Variants in NTNG2 observed in about 807,000 individuals in gnomAD.
The protein encoded by NTNG2 is netrin-G2.
A neutral mutation model predicts 47.6 loss-of-function variants in NTNG2; 15 were observed. The observed-to-expected ratio is 0.32, with a 90% CI of 0.21 to 0.49. The LOEUF (loss-of-function observed/expected upper bound fraction) is 0.49. NTNG2 is among the 20% of genes least tolerant of loss of function. The pLI is 0.99. For synonymous variants in NTNG2, 307 were observed against 324.6 expected, an observed-to-expected ratio of 0.95 and a Z score of 0.58; for missense variants, 578 against 764.6, an observed-to-expected ratio of 0.76 and a Z score of 2.88.
chr9:132,226,933 C>A lies in NTNG2; in HGVS notation c.942C>A (p.Pro314=), dbSNP rs145479097. 4.3e-6 allele frequency: 7 copies of A among 1,612,848 alleles called. No homozygotes were observed. The African/African-American group carries it at 8.0e-5, about 18-fold the overall frequency. The change falls in exon 4 of 8, where the codon CCC becomes CCA. Residue 314 remains proline, a synonymous_variant. Coordinates refer to ENST00000393229, the MANE Select transcript of NTNG2 (RefSeq NM_032536.4). The surrounding 1 kb of genome is among the most constrained non-coding windows in gnomAD (Gnocchi z 4.8). ...AGTGCGAGCACAACACCACCGGCCC[C>A]GACTGCGGCAAGTGCAAGAAGAATT... The part of the protein sequence containing the change: ...QCECEHNTTG[P]DCGKCKKNFR...
chr9:132,204,095 G>A (rs1380204621), intron 3 of NTNG2, among the ~76,000 whole-genome samples: 6 of 152,306 alleles, frequency 3.9e-5, no homozygotes, highest in East Asian at 1.9e-4. Context: ...CATGGGTTAC[G>A]TGCCAGGCAT....
At chr9:132,205,549 A>C (rs901803430) in intron 3 of NTNG2, among the ~76,000 whole-genome samples, 1 of 152,206 alleles carries the variant, frequency 6.6e-6, no homozygotes, top group Non-Finnish European at 1.5e-5. Flanking sequence ...CTTGCACAGC[A>C]CTGTGGATGT....
intron 4 of NTNG2, 95 bp from the exon 5 acceptor site, chr9:132,230,477 A>G: frequency 8.6e-7 from 1 of 1,159,830 alleles, no homozygotes; most frequent in African/African-American, 1.5e-5. Context: ...CGACACCTCC[A>G]GGTGCTCCCC....
chr9:132,203,489 A>C (rs1838939590), intron 3 of NTNG2, among the ~76,000 whole-genome samples: 1 of 152,200 alleles, frequency 6.6e-6, no homozygotes, highest in Non-Finnish European at 1.5e-5. Context: ...AAGACAGTGG[A>C]CCAAACATTC....
intron 4 of NTNG2, among the ~76,000 whole-genome samples, chr9:132,227,610 G>A (rs1840875209): frequency 6.6e-6 from 1 of 152,198 alleles, no homozygotes; most frequent in Non-Finnish European, 1.5e-5. Flanking sequence ...CCTGGGAACT[G>A]AGCTTCCGTT....
At chr9:132,183,760 C>A (rs550781010) in intron 2 of NTNG2, among the ~76,000 whole-genome samples, 1 of 152,286 alleles carries the variant, frequency 6.6e-6, no homozygotes, top group Non-Finnish European at 1.5e-5. Context: ...CGTGTGGGGG[C>A]CCTTCCCTGG....
rs1187648193 is a variant in NTNG2, at chr9:132,180,711, C to T, written c.213+13667C>T. On this transcript the variant is annotated intron_variant, in intron 2 of 7. Transcript: ENST00000393229. This position sits in a 1 kb window ranked among gnomAD's most constrained non-coding sequence, Gnocchi z 4.2. ...CGGAGAGAGAGAGAAAGAGAAAGAACGATAGAGAGATGCAATAACCTCCCA... is the reference window on the plus strand; with the variant it reads ...CGGAGAGAGAGAGAAAGAGAAAGAATGATAGAGAGATGCAATAACCTCCCA... Among the ~76,000 whole-genome samples, 2 of 152,148 alleles carry T rather than the reference C, an allele frequency of 1.3e-5. No individual in the cohort carries two copies. The highest frequency in any genetic ancestry group is 4.8e-5 in the African/African-American group (2 of 41,424).
chr9:132,240,680 G>A (rs1424759684), intron 6 of NTNG2: 3 of 616,354 alleles, frequency 4.9e-6, no homozygotes, highest in Admixed American at 2.9e-5. Flanking sequence ...GGGGAAGGTG[G>A]GGCTGGGACG....
At chr9:132,193,948 A>G (rs1339019306) in intron 2 of NTNG2, among the ~76,000 whole-genome samples, 2 of 152,128 alleles carry the variant, frequency 1.3e-5, no homozygotes, top group Non-Finnish European at 2.9e-5. Context: ...CATGGGCCCC[A>G]GCGTCTCATC....
At chr9:132,205,781 C>A (rs556005441) in intron 3 of NTNG2, among the ~76,000 whole-genome samples, 1 of 151,872 alleles carries the variant, frequency 6.6e-6, no homozygotes, top group African/African-American at 2.4e-5. Flanking sequence ...CTTGGGAAGC[C>A]GAGACAGGAG....
At chr9:132,223,580 C>T (rs777683160) in intron 3 of NTNG2, among the ~76,000 whole-genome samples, 18 of 151,960 alleles carry the variant, frequency 1.2e-4, no homozygotes, top group South Asian at 4.2e-4. Flanking sequence ...TCTGAATGGA[C>T]GAGAGCCAGT....
chr9:132,192,792 G>A (rs1225329631), intron 2 of NTNG2, among the ~76,000 whole-genome samples: 1 of 152,162 alleles, frequency 6.6e-6, no homozygotes, highest in Admixed American at 6.5e-5. Context: ...AGAGAAAGAG[G>A]GAGAGAGAAA....
At chr9:132,170,079 C>G (rs866066895) in intron 2 of NTNG2, among the ~76,000 whole-genome samples, 63 of 152,314 alleles carry the variant, frequency 4.1e-4, no homozygotes, top group Middle Eastern at 6.8e-3. Flanking sequence ...GCAGGTGCTA[C>G]GTGTGTCCCA....
At chr9:132,234,592 G>A (rs995812674) in intron 5 of NTNG2, among the ~76,000 whole-genome samples, 1 of 152,226 alleles carries the variant, frequency 6.6e-6, no homozygotes, top group Non-Finnish European at 1.5e-5. Flanking sequence ...TGAACTCCTG[G>A]GCCAGATGTT....
intron 3 of NTNG2, among the ~76,000 whole-genome samples, chr9:132,211,702 G>A (rs549390594): frequency 4.2e-4 from 64 of 152,270 alleles, no homozygotes; most frequent in African/African-American, 1.5e-3. Context: ...GAAGGCTGGA[G>A]ACCTGTGCAA....
At chr9:132,237,603 T>C (rs1841722540) in intron 5 of NTNG2, among the ~76,000 whole-genome samples, 1 of 152,106 alleles carries the variant, frequency 6.6e-6, no homozygotes, top group Non-Finnish European at 1.5e-5. Context: ...CGGTGCAGGA[T>C]AGAGGACCGA....
At chr9:132,216,414 C>CTCTCTCTCTCTCTGTG (rs1554790515) in intron 3 of NTNG2, among the ~76,000 whole-genome samples, 7 of 110,332 alleles carry the variant, frequency 6.3e-5, no homozygotes, top group African/African-American at 1.9e-4. Flanking sequence ...CTCTCTCTCT[C>CTCTCTCTCTCTCTGTG]TGTGTGTGTG....
Position 132,198,073 on chromosome 9 carries a change from G to A in NTNG2, c.321G>A (p.Trp107Ter). The change falls in exon 3 of 8, where the codon TGG becomes TGA. Residue 107 changes from tryptophan to a stop codon, truncating the protein, a stop_gained. Coordinates refer to ENST00000393229, the MANE Select transcript of NTNG2 (RefSeq NM_032536.4). LOFTEE classifies it high-confidence loss of function. ...DKEEEGLATY[W>*]QSITWSRYPS... The stretch of plus-strand genomic sequence containing the variant: ...AGGAGGAGGGCCTGGCCACCTACTG[G>A]CAGAGCATCACCTGGAGCCGCTACC... 6.2e-7 allele frequency: 1 copy of A among 1,613,744 alleles called. No individual in the cohort carries two copies. Among genetic ancestry groups the A allele is most frequent in the Non-Finnish European group, 8.5e-7 (1 of 1,179,964 alleles).
intron 2 of NTNG2, among the ~76,000 whole-genome samples, chr9:132,188,639 C>T (rs1021246072): frequency 6.6e-6 from 1 of 152,222 alleles, no homozygotes; most frequent in African/African-American, 2.4e-5. Flanking sequence ...TGCTCCCTAA[C>T]GGCGGGGCCT....
Sources: allele counts gnomAD v4.1 joint callset (sites outside exome capture counted in the v4.1 genomes callset), GRCh38; gene constraint gnomAD v4.1.1; non-coding constraint Gnocchi (gnomAD v3.1); transcripts MANE v1.5; gene names NCBI Gene and HGNC (gene_info 2026-07-23, HGNC 2026-07-21).